The following UNC13C variants were observed in gnomAD, a reference collection of about 807,000 sequenced individuals.
UNC13C encodes the protein protein unc-13 homolog C.
In UNC13C, 174 loss-of-function variants were observed where a neutral mutation model predicts 245.4. The ratio of observed to expected loss-of-function variants is 0.71; its 90% CI spans 0.63 to 0.80. UNC13C has a LOEUF of 0.80. UNC13C is among the 30% of genes least tolerant of loss of function. UNC13C has a pLI of 0.00. For synonymous variants in UNC13C, 992 were observed against 895.1 expected, an observed-to-expected ratio of 1.11 and a Z score of -1.93; for missense variants, 2,829 against 2,602.9, an observed-to-expected ratio of 1.09 and a Z score of -1.89.
chr15:54,472,923 C>T (rs1034905028), intron 19 of UNC13C, among the ~76,000 whole-genome samples: 2 of 151,704 alleles, frequency 1.3e-5, no homozygotes, highest in Non-Finnish European at 2.9e-5. Context: ...GGGTATATTG[C>T]ATTATGCTGA....
the UNC13C span, among the ~76,000 whole-genome samples, chr15:53,952,927 G>A: frequency 4.3e-4 from 66 of 152,188 alleles, no homozygotes; most frequent in African/African-American, 1.4e-3. Flanking sequence ...TCCCCTGAGC[G>A]GTTTGGGGAT....
chr15:53,858,190 T>G, the UNC13C span, among the ~76,000 whole-genome samples: 172 of 152,326 alleles, frequency 1.1e-3, no homozygotes, highest in African/African-American at 3.9e-3. Flanking sequence ...TTATCTAGCA[T>G]TCCATCAATT....
intron 24 of UNC13C, 79 bp downstream of exon 24, chr15:54,511,909 C>T: frequency 1.9e-6 from 2 of 1,033,734 alleles, no homozygotes; most frequent in Non-Finnish European, 2.9e-6. Flanking sequence ...ATGAAAGTGT[C>T]TTAATCAAGT....
At chr15:54,572,235 A>G (rs1026038156) in intron 30 of UNC13C, among the ~76,000 whole-genome samples, 1 of 152,084 alleles carries the variant, frequency 6.6e-6, no homozygotes, top group African/African-American at 2.4e-5. Context: ...ACTACCTTGA[A>G]TGAATGTTTC....
intron 19 of UNC13C, among the ~76,000 whole-genome samples, chr15:54,468,337 A>C (rs1256314593): frequency 6.6e-6 from 1 of 151,520 alleles, no homozygotes; most frequent in African/African-American, 2.4e-5. Flanking sequence ...TCATTGTATT[A>C]ATGTATTTTG....
At chr15:54,391,166 A>G (rs190245491) in intron 17 of UNC13C, among the ~76,000 whole-genome samples, 2 of 152,200 alleles carry the variant, frequency 1.3e-5, no homozygotes, top group Admixed American at 1.3e-4. Flanking sequence ...CATGTGTAAT[A>G]ATTTTCTTTC....
intron 4 of UNC13C, among the ~76,000 whole-genome samples, chr15:54,215,471 T>C (rs140829090): frequency 1.7e-3 from 262 of 152,054 alleles, no homozygotes; most frequent in South Asian, 7.7e-3. Flanking sequence ...AGGTGAATAA[T>C]GAGGTAGTCA....
At chr15:54,063,751 A>G (rs1595795180) in intron 2 of UNC13C, among the ~76,000 whole-genome samples, 3 of 152,318 alleles carry the variant, frequency 2.0e-5, no homozygotes, top group Admixed American at 6.5e-5. Flanking sequence ...CTATGCTTCC[A>G]TTGAGTTCCA....
At chr15:54,451,679 T>A (rs1450372350) in intron 19 of UNC13C, among the ~76,000 whole-genome samples, 1 of 152,194 alleles carries the variant, frequency 6.6e-6, no homozygotes, top group African/African-American at 2.4e-5. Flanking sequence ...TCTGATTTCT[T>A]TGTATTAGTT....
intron 19 of UNC13C, among the ~76,000 whole-genome samples, chr15:54,427,648 T>G (rs1030705758): frequency 3.3e-5 from 5 of 151,878 alleles, no homozygotes; most frequent in African/African-American, 1.2e-4. Flanking sequence ...CAATTTTATA[T>G]AAAACATTTA....
chr15:54,360,737 T>A (rs1014052373), intron 17 of UNC13C, among the ~76,000 whole-genome samples: 1 of 152,146 alleles, frequency 6.6e-6, no homozygotes, highest in Admixed American at 6.6e-5. Flanking sequence ...CTTTTCTTAG[T>A]ACAGTATTCT....
intron 19 of UNC13C, among the ~76,000 whole-genome samples, chr15:54,473,597 G>T (rs184102857): frequency 2.0e-5 from 3 of 151,686 alleles, no homozygotes; most frequent in Non-Finnish European, 4.4e-5. Context: ...TTGTCTTTCT[G>T]TGCCTAGCTT....
Position 54,623,871 on chromosome 15 carries a change from C to A in UNC13C, c.6276C>A (p.Pro2092=). Reference sequence around the variant, plus strand: ...TTGTGGAAGTTTGTATACTGGGACCCAACCTTGGAGACAAGAAGAGAAAAC... The same window carrying A: ...TTGTGGAAGTTTGTATACTGGGACCAAACCTTGGAGACAAGAAGAGAAAAC... The part of the protein sequence containing the change: ...RPFVEVCILG[P]NLGDKKRKQG... Residue 2092 remains proline (P), a synonymous_variant, in exon 32 of 33, where the codon CCC becomes CCA. Transcript: ENST00000260323. 1 of 1,613,152 alleles carries A rather than the reference C, an allele frequency of 6.2e-7. No homozygotes were observed. The highest frequency in any genetic ancestry group is 8.5e-7 in the Non-Finnish European group (1 of 1,179,462).
intron 24 of UNC13C, among the ~76,000 whole-genome samples, chr15:54,512,145 C>T (rs544566419): frequency 1.3e-5 from 2 of 152,244 alleles, no homozygotes; most frequent in East Asian, 3.9e-4. Flanking sequence ...TAAAATTCCA[C>T]AAATTGTGTT....
chr15:54,570,158 G>A (rs1897692280), intron 30 of UNC13C, among the ~76,000 whole-genome samples: 1 of 152,126 alleles, frequency 6.6e-6, no homozygotes, highest in African/African-American at 2.4e-5. Flanking sequence ...CCTCCTATCT[G>A]TACATTTCCT....
chr15:54,525,144 A>G (rs1040305559), intron 24 of UNC13C, among the ~76,000 whole-genome samples: 6 of 152,184 alleles, frequency 3.9e-5, no homozygotes, highest in African/African-American at 9.6e-5. Context: ...TAATGTGCCT[A>G]TTTATTTACA....
intron 4 of UNC13C, among the ~76,000 whole-genome samples, chr15:54,146,263 T>C (rs913914121): frequency 2.6e-5 from 4 of 152,198 alleles, no homozygotes. Flanking sequence ...TACGGAGTCA[T>C]TGCTTTTCTA....
chr15:53,901,868 C>G, the UNC13C span, among the ~76,000 whole-genome samples: 1 of 152,142 alleles, frequency 6.6e-6, no homozygotes, highest in South Asian at 2.1e-4. Context: ...CTCCTCTCTT[C>G]AAGTCTCTCT....
chr15:53,988,432 G>C (rs932446509), intron 1 of UNC13C, among the ~76,000 whole-genome samples: 1 of 151,938 alleles, frequency 6.6e-6, no homozygotes, highest in Non-Finnish European at 1.5e-5. Context: ...TAGAGAGCAG[G>C]AGGCTGTTTT....
Sources: gnomAD v4.1 joint callset for allele counts (sites outside exome capture counted in the v4.1 genomes callset) on GRCh38, gnomAD v4.1.1 for gene constraint, MANE v1.5 for transcripts, NCBI Gene and HGNC (gene_info 2026-07-23, HGNC 2026-07-21) for gene names.